SELENOF: variants seen among roughly 807,000 people sequenced by gnomAD.
SELENOF encodes the protein selenoprotein F.
Under a neutral mutation model 20.5 loss-of-function variants are expected in SELENOF, and 16 were observed. That is an observed-to-expected ratio of 0.78 (90% CI 0.53 to 1.19). The LOEUF is 1.19. Ranked by LOEUF, SELENOF falls within the 50% of genes most tolerant of loss-of-function variation. The pLI is 0.00. For synonymous variants in SELENOF, 78 were observed against 74.5 expected (o/e 1.05, Z -0.24); for missense variants, 215 against 194.2 (o/e 1.11, Z -0.64).
intron 2 of SELENOF, among the ~76,000 whole-genome samples, chr1:86,891,009 A>G (rs151062534): frequency 3.3e-4 from 50 of 150,876 alleles, no homozygotes; most frequent in African/African-American, 1.0e-3. Flanking sequence ...ACAGAATATC[A>G]TATCAACAGT....
chr1:86,903,113 C>G lies in SELENOF; in HGVS notation c.252+168G>C, dbSNP rs532827633. Among the ~76,000 whole-genome samples, 3 of 152,316 alleles carry G rather than the reference C, an allele frequency of 2.0e-5. No individual in the cohort carries two copies. In the East Asian group the frequency reaches 5.8e-4, roughly 29 times the overall value. ...CTGGTATGCAACCATACTTCTCCTT[C>G]ATATTTGCTTTGATTGAACTAATAG... On this transcript the variant is annotated intron_variant, in intron 2 of 4. Transcript: ENST00000331835.
chr1:86,887,903 C>A (rs1360347663), intron 2 of SELENOF, among the ~76,000 whole-genome samples: 1 of 152,070 alleles, frequency 6.6e-6, no homozygotes, highest in Non-Finnish European at 1.5e-5. Flanking sequence ...AAAAAAGTAA[C>A]TTGAGGAAGT....
intron 2 of SELENOF, among the ~76,000 whole-genome samples, chr1:86,885,960 T>C (rs941404682): frequency 2.0e-5 from 3 of 152,200 alleles, no homozygotes; most frequent in Non-Finnish European, 4.4e-5. Context: ...ACTTCCACAG[T>C]ATTGGTTAAG....
At chr1:86,869,740 C>A (rs561811603) in intron 3 of SELENOF, among the ~76,000 whole-genome samples, 1 of 149,726 alleles carries the variant, frequency 6.7e-6, no homozygotes, top group East Asian at 2.0e-4. Flanking sequence ...TCTTTCTTTT[C>A]TTTTCTTTCT....
intron 2 of SELENOF, among the ~76,000 whole-genome samples, chr1:86,882,908 C>G (rs888027937): frequency 5.3e-5 from 8 of 151,686 alleles, no homozygotes; most frequent in Middle Eastern, 3.2e-3. Context: ...GGCGGATCAT[C>G]TGAGGTCAGG....
intron 1 of SELENOF, among the ~76,000 whole-genome samples, chr1:86,910,702 C>CAAAA (rs36124875): frequency 0.011 from 875 of 82,774 alleles, 13 homozygotes; most frequent in African/African-American, 0.033. Flanking sequence ...GACTCCATAT[C>CAAAA]AAAAAAAAAA....
chr1:86,909,364 A>G (rs1239640064), intron 1 of SELENOF, among the ~76,000 whole-genome samples: 2 of 152,204 alleles, frequency 1.3e-5, no homozygotes, highest in East Asian at 3.8e-4. Context: ...TAACAGTTCA[A>G]TAAGGGTGAA....
At chr1:86,864,339 T>G (rs964260129) in intron 4 of SELENOF, among the ~76,000 whole-genome samples, 8 of 152,250 alleles carry the variant, frequency 5.3e-5, no homozygotes, top group Non-Finnish European at 1.0e-4. Context: ...TCTGGGTAAA[T>G]GTGACAACAG....
At chr1:86,897,134 T>C (rs559954287) in intron 2 of SELENOF, among the ~76,000 whole-genome samples, 220 of 152,164 alleles carry the variant, frequency 1.4e-3, no homozygotes, top group African/African-American at 5.2e-3. Flanking sequence ...GATGGAACCC[T>C]GTCTCTACTA....
intron 1 of SELENOF, among the ~76,000 whole-genome samples, chr1:86,907,009 A>G (rs1371212134): frequency 1.3e-5 from 2 of 152,228 alleles, no homozygotes; most frequent in Admixed American, 1.3e-4. Context: ...TAATCATGCA[A>G]TTATACTATT....
chr1:86,879,696 C>T (rs1659013725), intron 3 of SELENOF, among the ~76,000 whole-genome samples: 1 of 152,084 alleles, frequency 6.6e-6, no homozygotes, highest in Admixed American at 6.5e-5. Flanking sequence ...GCGTTATTAC[C>T]TTCAGACAAG....
intron 4 of SELENOF, among the ~76,000 whole-genome samples, chr1:86,865,974 C>T (rs563951957): frequency 2.6e-5 from 4 of 151,922 alleles, no homozygotes; most frequent in East Asian, 1.9e-4. Context: ...GCAGGAGGAT[C>T]GCCCGAGCCC....
At position 86,868,259 on chromosome 1, in the gene SELENOF, T is replaced by C. The variant is rs148676142; in HGVS notation, c.317-157A>G. Among the ~76,000 whole-genome samples, 570 of 152,286 alleles carry C rather than the reference T, an allele frequency of 3.7e-3. 5 individuals carry two copies. Among genetic ancestry groups the C allele is most frequent in the African/African-American group, 0.012 (505 of 41,572 alleles). On this transcript the variant is annotated intron_variant, in intron 3 of 4. Coordinates refer to ENST00000331835, the MANE Select transcript of SELENOF (RefSeq NM_004261.5). ...ACATCTGTGGATAAATGGAGAGACA[T>C]ACCATATTCTCCAATATTTTAAGAC...
intron 2 of SELENOF, among the ~76,000 whole-genome samples, chr1:86,894,176 T>TG (rs1051943628): frequency 1.3e-5 from 2 of 151,518 alleles, no homozygotes; most frequent in African/African-American, 4.8e-5. Context: ...GGAGGTTTTT[T>TG]TTTTTTTTTT....
At chr1:86,892,454 A>G (rs2102106997) in intron 2 of SELENOF, among the ~76,000 whole-genome samples, 1 of 152,360 alleles carries the variant, frequency 6.6e-6, no homozygotes, top group Admixed American at 6.5e-5. Flanking sequence ...AAGTGAAGCT[A>G]TTTTAAGCAA....
rs148620754 is a variant in SELENOF, at chr1:86,909,516, G to A, written c.84+4512C>T. 3.3e-5 allele frequency among the ~76,000 whole-genome samples: 5 copies of A among 152,262 alleles called. 1 individual carries two copies. In the South Asian group the frequency reaches 6.2e-4, roughly 19 times the overall value. On this transcript the variant is annotated intron_variant, in intron 1 of 4. Transcript: ENST00000331835. The stretch of plus-strand genomic sequence containing the variant: ...ACACAAATGAACTGGGGCCATTTAC[G>A]CTTCAGAGGGATTTAAATGTACAAA...
chr1:86,894,365 A>G (rs965166158), intron 2 of SELENOF, among the ~76,000 whole-genome samples: 3 of 152,110 alleles, frequency 2.0e-5, no homozygotes, highest in African/African-American at 7.2e-5. Context: ...TTTATATTAC[A>G]AACATATAGC....
chr1:86,871,854 T>A (rs1282518334), intron 3 of SELENOF, among the ~76,000 whole-genome samples: 1 of 152,210 alleles, frequency 6.6e-6, no homozygotes, highest in African/African-American at 2.4e-5. Context: ...TGTAATCACC[T>A]CATGTGCTCT....
intron 1 of SELENOF, among the ~76,000 whole-genome samples, chr1:86,911,403 A>G (rs1659977458): frequency 6.6e-6 from 1 of 152,220 alleles, no homozygotes; most frequent in Non-Finnish European, 1.5e-5. Context: ...AGTGATGCCA[A>G]TTCTCCACTT....
Sources: gnomAD v4.1 joint callset for allele counts (sites outside exome capture counted in the v4.1 genomes callset) on GRCh38, gnomAD v4.1.1 for gene constraint, MANE v1.5 for transcripts, NCBI Gene and HGNC (gene_info 2026-07-23, HGNC 2026-07-21) for gene names.